The following OXR1 variants were observed in gnomAD, a reference collection of about 807,000 sequenced individuals.
OXR1 encodes oxidation resistance 1.
In OXR1, 41 loss-of-function variants were observed where a neutral mutation model predicts 104.6. The ratio of observed to expected loss-of-function variants is 0.39; its 90% CI spans 0.31 to 0.51. The LOEUF (loss-of-function observed/expected upper bound fraction) is 0.51, where lower values mean the gene tolerates loss of function less well. Ranked by LOEUF, OXR1 falls within the 20% of genes least tolerant of loss-of-function variation. The pLI is 0.77. For synonymous variants in OXR1, 348 were observed against 348.4 expected (o/e 1.00, Z 0.01); for missense variants, 955 against 1,031.9 (o/e 0.93, Z 1.02).
chr8:106,388,402 A>G (rs1341583358), intron 2 of OXR1, among the ~76,000 whole-genome samples: 2 of 151,424 alleles, frequency 1.3e-5, no homozygotes, highest in Non-Finnish European at 1.5e-5. Flanking sequence ...GTTAGCCCCA[A>G]GGTCTCACAG....
chr8:106,736,486 G>A (rs532944757), intron 11 of OXR1, among the ~76,000 whole-genome samples: 3 of 152,220 alleles, frequency 2.0e-5, no homozygotes, highest in African/African-American at 7.2e-5. Flanking sequence ...TCATTTTGTG[G>A]TCAGAGCCTC....
At chr8:106,464,047 AT>A (rs1360575258) in intron 2 of OXR1, among the ~76,000 whole-genome samples, 1 of 151,484 alleles carries the variant, frequency 6.6e-6, no homozygotes, top group Non-Finnish European at 1.5e-5. Context: ...GAACTTACCT[AT>A]TTTTTTCTGT....
At chr8:106,282,870 G>C (rs1193419526) in intron 1 of OXR1, among the ~76,000 whole-genome samples, 2 of 152,172 alleles carry the variant, frequency 1.3e-5, no homozygotes, top group Non-Finnish European at 2.9e-5. Context: ...GACTGTGTCA[G>C]AAATTCATTC....
rs142558570 is a variant in OXR1 at position 106,361,512 on chromosome 8, G to A, written c.23+1876G>A. ...TTAGCATTTGGGTTGCCCAAGTGCT[G>A]GCAGCAAAGGAGACAAGAAAGTAAA... is the stretch of plus-strand genomic sequence containing the variant. On this transcript the variant is annotated intron_variant, in intron 2 of 16. Coordinates refer to ENST00000517566, the MANE Select transcript of OXR1 (RefSeq NM_001198533.2). 3.5e-4 allele frequency among the ~76,000 whole-genome samples: 53 copies of A among 152,246 alleles called. No homozygotes were observed. The East Asian group carries it at 0.01, about 29-fold the overall frequency.
chr8:106,634,777 C>T (rs72682810), intron 3 of OXR1, among the ~76,000 whole-genome samples: 2,151 of 150,630 alleles, frequency 0.014, 27 homozygotes, highest in South Asian at 0.062. Context: ...CACATGGAAG[C>T]AAACATGCAA....
intron 7 of OXR1, among the ~76,000 whole-genome samples, chr8:106,696,924 T>G (rs1174388380): frequency 1.2e-4 from 19 of 152,128 alleles, no homozygotes; most frequent in Admixed American, 1.2e-3. Flanking sequence ...GCACAGTCAG[T>G]GCAGCTGTGG....
chr8:106,474,615 A>G (rs1415182143), intron 2 of OXR1, among the ~76,000 whole-genome samples: 1 of 151,930 alleles, frequency 6.6e-6, no homozygotes, highest in African/African-American at 2.4e-5. Context: ...ATGAAGTTTT[A>G]TTAGAACACA....
At chr8:106,653,069 T>C (rs996853873) in intron 3 of OXR1, among the ~76,000 whole-genome samples, 1 of 70,636 alleles carries the variant, frequency 1.4e-5, no homozygotes, top group Non-Finnish European at 2.8e-5. Context: ...CAAGGAGAAA[T>C]AGAAAAAAAA....
intron 1 of OXR1, among the ~76,000 whole-genome samples, chr8:106,321,768 TAG>T (rs1221246304): frequency 6.6e-6 from 1 of 152,192 alleles, no homozygotes; most frequent in East Asian, 1.9e-4. Context: ...TAATTAATGA[TAG>T]AGTTGTAAAA....
intron 2 of OXR1, among the ~76,000 whole-genome samples, chr8:106,412,337 G>T (rs930719069): frequency 3.9e-5 from 6 of 152,048 alleles, no homozygotes; most frequent in Non-Finnish European, 8.8e-5. Context: ...GGTAGGATGG[G>T]GAAATTGTGT....
At chr8:106,466,600 TC>T (rs34317338) in intron 2 of OXR1, among the ~76,000 whole-genome samples, 2 of 151,390 alleles carry the variant, frequency 1.3e-5, no homozygotes, top group East Asian at 2.0e-4. Flanking sequence ...TTTATTGACT[TC>T]CCCCCCAGAA....
At chr8:106,710,302 G>GTA (rs1304224002) in intron 9 of OXR1, among the ~76,000 whole-genome samples, 2 of 148,400 alleles carry the variant, frequency 1.3e-5, no homozygotes, top group African/African-American at 2.4e-5. Context: ...TATATATTAT[G>GTA]TGTGTGTATA....
intron 1 of OXR1, among the ~76,000 whole-genome samples, chr8:106,302,783 G>T (rs577879420): frequency 3.3e-5 from 5 of 151,694 alleles, no homozygotes; most frequent in Non-Finnish European, 7.4e-5. Context: ...ACAGAGTCTC[G>T]CTCTGTCACC....
chr8:106,447,888 A>G (rs1317670147), intron 2 of OXR1: 2 of 1,496,930 alleles, frequency 1.3e-6, no homozygotes, highest in African/African-American at 1.4e-5. Flanking sequence ...CCACCCCCCA[A>G]CAGCCGGGCT....
intron 6 of OXR1, 29 bp from the exon 7 acceptor site, chr8:106,692,699 T>A: frequency 1.4e-6 from 2 of 1,408,260 alleles, no homozygotes; most frequent in South Asian, 1.6e-5. Flanking sequence ...TCTGCTTTTT[T>A]TTTTCTTTCC....
intron 3 of OXR1, among the ~76,000 whole-genome samples, chr8:106,677,797 C>T (rs1435945718): frequency 6.6e-6 from 1 of 151,856 alleles, no homozygotes; most frequent in Admixed American, 6.6e-5. Flanking sequence ...ACTATTTTTC[C>T]TAGAGTTGTA....
chr8:106,555,344 C>A (rs959534608), intron 3 of OXR1, among the ~76,000 whole-genome samples: 1 of 152,050 alleles, frequency 6.6e-6, no homozygotes, highest in Non-Finnish European at 1.5e-5. Context: ...TGTAGAGGCT[C>A]CCACTAAAAA....
intron 3 of OXR1, among the ~76,000 whole-genome samples, chr8:106,547,677 G>A (rs1195188200): frequency 1.3e-5 from 2 of 151,860 alleles, no homozygotes; most frequent in Non-Finnish European, 2.9e-5. Context: ...ACATTTAGTA[G>A]AGACAAGGTT....
chr8:106,383,600 G>A (rs895623449), intron 2 of OXR1, among the ~76,000 whole-genome samples: 1 of 152,196 alleles, frequency 6.6e-6, no homozygotes, highest in Non-Finnish European at 1.5e-5. Flanking sequence ...TAGAAGTTCA[G>A]CATGTAGTGA....
Sources: gnomAD v4.1 joint callset for allele counts (sites outside exome capture counted in the v4.1 genomes callset) on GRCh38, gnomAD v4.1.1 for gene constraint, MANE v1.5 for transcripts, NCBI Gene and HGNC (gene_info 2026-07-23, HGNC 2026-07-21) for gene names.